HCLS1: variants seen among roughly 807,000 people sequenced by gnomAD.
HCLS1 encodes hematopoietic cell-specific Lyn substrate 1.
Under a neutral mutation model 68.6 loss-of-function variants are expected in HCLS1, and 44 were observed. The ratio of observed to expected loss-of-function variants is 0.64; its 90% CI spans 0.50 to 0.82. The LOEUF (loss-of-function observed/expected upper bound fraction) is 0.82. HCLS1 is among the 40% of genes least tolerant of loss of function. The pLI, the probability that HCLS1 is intolerant of heterozygous loss-of-function variation, is 0.00. For synonymous variants in HCLS1, 217 were observed against 225.8 expected, an observed-to-expected ratio of 0.96 and a Z score of 0.35; for missense variants, 602 against 612.1, an observed-to-expected ratio of 0.98 and a Z score of 0.17.
intron 3 of HCLS1, among the ~76,000 whole-genome samples, chr3:121,648,943 C>T (rs555993107): frequency 1.3e-5 from 2 of 152,252 alleles, no homozygotes; most frequent in South Asian, 4.1e-4. Flanking sequence ...TATCTTCCAA[C>T]TGAAGTATTC....
At position 121,632,165 on chromosome 3, in the gene HCLS1, A is replaced by G. The variant is rs201382649; in HGVS notation, c.1260T>C (p.Ala420=). The stretch of plus-strand genomic sequence containing the variant: ...GAGCCACAGCCCCAGCCCCAGCCCC[A>G]GCCGGGCAGCCTGATGATCCTGCAT... The part of the protein sequence containing the change: ...SALAGSSGCP[A]GAGAGAVALG... The change falls in exon 13 of 14, where the codon GCT becomes GCC. Residue 420 remains alanine (A), a synonymous_variant. Transcript: ENST00000314583. 7 of 1,614,066 alleles carry G rather than the reference A, an allele frequency of 4.3e-6. No individual in the cohort carries two copies. In the African/African-American group the frequency reaches 5.3e-5, roughly 12 times the overall value.
At chr3:121,645,167 G>A (rs192702532) in intron 4 of HCLS1, among the ~76,000 whole-genome samples, 3 of 152,246 alleles carry the variant, frequency 2.0e-5, no homozygotes, top group Admixed American at 6.5e-5. Flanking sequence ...ACTCCCATAG[G>A]ATGGGCTGGG....
At chr3:121,659,301 T>A (rs921403870) in intron 1 of HCLS1, among the ~76,000 whole-genome samples, 4 of 151,860 alleles carry the variant, frequency 2.6e-5, no homozygotes, top group African/African-American at 9.7e-5. Context: ...GTGGATTTGG[T>A]GTGAAGAAGT....
chr3:121,658,031 CT>C (rs1265960526), intron 2 of HCLS1: 18 of 487,672 alleles, frequency 3.7e-5, no homozygotes, highest in East Asian at 1.1e-4. Flanking sequence ...CTGCCATGGC[CT>C]GTCAATCACA....
intron 3 of HCLS1, 28 bp downstream of exon 3, chr3:121,657,251 C>T (rs747416232): frequency 1.4e-5 from 23 of 1,601,054 alleles, no homozygotes; most frequent in Non-Finnish European, 2.0e-5. Context: ...TAACCCCCTT[C>T]CTTTTCTCCA....
intron 2 of HCLS1, 138 bp from the exon 3 acceptor site, chr3:121,657,490 T>C: frequency 1.4e-6 from 1 of 724,698 alleles, no homozygotes; most frequent in Non-Finnish European, 2.4e-6. Context: ...ACATCCCCTC[T>C]ATATTTATCC....
chr3:121,660,416 C>T (rs778734340), intron 1 of HCLS1, among the ~76,000 whole-genome samples: 1 of 152,174 alleles, frequency 6.6e-6, no homozygotes, highest in Non-Finnish European at 1.5e-5. Flanking sequence ...GTGACTACTT[C>T]CTGATCTGTT....
chr3:121,646,988 T>A (rs1397731761), intron 4 of HCLS1, among the ~76,000 whole-genome samples: 3 of 146,306 alleles, frequency 2.1e-5, no homozygotes, highest in Non-Finnish European at 4.5e-5. Context: ...TTTATTTATT[T>A]TTTTTTTTTT....
At chr3:121,645,829 AT>A (rs1473861284) in intron 4 of HCLS1, among the ~76,000 whole-genome samples, 2 of 147,748 alleles carry the variant, frequency 1.4e-5, no homozygotes, top group African/African-American at 2.5e-5. Flanking sequence ...TTTTAGCAAA[AT>A]TTTTAAATAT....
rs775692474 is a variant in HCLS1 at position 121,632,175 on chromosome 3, C to T, written c.1250G>A (p.Gly417Asp). Residue 417 changes from glycine to aspartate, a missense_variant, in exon 13 of 14, where the codon GGC (glycine) becomes GAC (aspartate). Physicochemically the swap from Gly to Asp is moderately conservative, Grantham distance 94. Transcript: ENST00000314583. ...CCCAGCCCCAGCCCCAGCCGGGCAG[C>T]CTGATGATCCTGCATAATGAGAAAC... ...SFSSALAGSS[G>D]CPAGAGAGAV... 11 of 1,613,974 alleles carry T rather than the reference C, an allele frequency of 6.8e-6. No homozygotes were observed. The East Asian group carries it at 2.5e-4, about 36-fold the overall frequency.
chr3:121,632,429 A>C lies in HCLS1; in HGVS notation c.1143T>G (p.Val381=). The part of the protein sequence containing the change: ...EPEPENDYED[V]EEMDRHEQED... ...CCTGCTCATGCCTGTCCATCTCCTC[A>C]ACGTCCTCATAGTCATTCTCAGGCT... The change falls in exon 12 of 14, where the codon GTT becomes GTG. Residue 381 remains valine (V), a synonymous_variant. Coordinates refer to ENST00000314583, the MANE Select transcript of HCLS1 (RefSeq NM_005335.6). The C allele has an allele frequency of 6.2e-7, 1 of 1,608,970 alleles. No homozygotes were observed. The highest frequency in any genetic ancestry group is 8.5e-7 in the Non-Finnish European group (1 of 1,178,454).
At chr3:121,645,776 T>C (rs2049240566) in intron 4 of HCLS1, among the ~76,000 whole-genome samples, 1 of 150,456 alleles carries the variant, frequency 6.6e-6, no homozygotes, top group South Asian at 2.1e-4. Flanking sequence ...AATGAATGAG[T>C]CAAAAAATAT....
At chr3:121,634,148 T>C (rs1427538261) in intron 10 of HCLS1, 59 bp downstream of exon 10, 2 of 1,610,042 alleles carry the variant, frequency 1.2e-6, no homozygotes, top group Admixed American at 3.3e-5. Context: ...TTTGGACCCC[T>C]TAGGCTCCTG....
At chr3:121,641,509 T>C (rs2049197972) in intron 6 of HCLS1, among the ~76,000 whole-genome samples, 1 of 152,220 alleles carries the variant, frequency 6.6e-6, no homozygotes, top group Non-Finnish European at 1.5e-5. Flanking sequence ...AATAAGCATT[T>C]ACTAAGTAAT....
intron 4 of HCLS1, 121 bp downstream of exon 4, chr3:121,647,198 G>A (rs1937626966): frequency 1.1e-6 from 1 of 936,596 alleles, no homozygotes; most frequent in South Asian, 1.5e-5. Context: ...AGCCAGGATG[G>A]TCTCGATCTC....
rs775551103 is a variant in HCLS1, at chr3:121,634,249, C to A, written c.861G>T (p.Glu287Asp). The A allele has an allele frequency of 4.2e-5, 68 of 1,614,084 alleles. 1 individual carries two copies. In the East Asian group the frequency reaches 1.4e-3, roughly 33 times the overall value. Residue 287 changes from glutamate to aspartate, a missense_variant, in exon 10 of 14, where the codon GAG becomes GAT. Glu to Asp is a conservative substitution (Grantham distance 45). Coordinates refer to ENST00000314583, the MANE Select transcript of HCLS1 (RefSeq NM_005335.6). ...TGGGCAGTGGGGCCGGTACTGCTGG[C>A]TCTTCCATAGCTATCACTGGCTGTG... ...EAPQPVIAME[E>D]PAVPAPLPKK...
chr3:121,650,186 G>T lies in HCLS1; in HGVS notation c.159-2738C>A, dbSNP rs140529957. Among the ~76,000 whole-genome samples the T allele has an allele frequency of 2.0e-4, 31 of 152,182 alleles. No individual in the cohort carries two copies. In the East Asian group the frequency reaches 5.8e-3, roughly 28 times the overall value. On this transcript the variant is annotated intron_variant, in intron 3 of 13. Transcript: ENST00000314583. ...ATATTAAAGAAGATCTAAATAAATG[G>T]AGAGATATCCCATGTTCATGGATTG...
chr3:121,651,608 T>G (rs62268732), intron 3 of HCLS1, among the ~76,000 whole-genome samples: 33,520 of 152,044 alleles, frequency 0.22, 4,243 homozygotes, highest in Non-Finnish European at 0.29. Flanking sequence ...TTTTGTAGAC[T>G]CTGAATCTCT....
intron 6 of HCLS1, among the ~76,000 whole-genome samples, chr3:121,638,803 T>A (rs2049172488): frequency 1.3e-5 from 2 of 152,212 alleles, no homozygotes; most frequent in South Asian, 4.1e-4. Context: ...GCTCCAATGA[T>A]AAAAGAACAA....
Sources: gnomAD v4.1 joint callset for allele counts (sites outside exome capture counted in the v4.1 genomes callset) on GRCh38, gnomAD v4.1.1 for gene constraint, MANE v1.5 for transcripts, NCBI Gene and HGNC (gene_info 2026-07-23, HGNC 2026-07-21) for gene names.